PABIR3: variants seen among roughly 807,000 people sequenced by gnomAD.
The protein encoded by PABIR3 is PABIR family member 1.
A neutral mutation model predicts 23.1 loss-of-function variants in PABIR3; 20 were observed. The ratio of observed to expected loss-of-function variants is 0.86; its 90% CI spans 0.61 to 1.26. The LOEUF (loss-of-function observed/expected upper bound fraction) is 1.26, where lower values mean the gene tolerates loss of function less well. Among genes scored for constraint, PABIR3 ranks in the 50% most tolerant of loss-of-function variants. The pLI, the probability that PABIR3 is intolerant of heterozygous loss-of-function variation, is 0.00. For missense variants in PABIR3, 189 were observed against 195.4 expected, an observed-to-expected ratio of 0.97 and a Z score of 0.20; for synonymous variants, 69 against 68.5, an observed-to-expected ratio of 1.01 and a Z score of -0.04.
intron 9 of PABIR3, 63 bp downstream of exon 9, chrX:134,849,291 C>G (rs2082542003): frequency 2.0e-6 from 1 of 488,167 alleles, no homozygotes; most frequent in East Asian, 5.0e-5. Flanking sequence ...TATCTAAAAT[C>G]AAATGTTATA....
chrX:134,819,542 C>A (rs1237162697), intron 3 of PABIR3, among the ~76,000 whole-genome samples: 1 of 111,327 alleles, frequency 9.0e-6, no homozygotes, highest in African/African-American at 3.3e-5. Flanking sequence ...AGGAGAATGA[C>A]ATGATGAATT....
chrX:134,858,144 T>C (rs1441265081), downstream of PABIR3, among the ~76,000 whole-genome samples: 3 of 112,016 alleles, frequency 2.7e-5, no homozygotes, highest in African/African-American at 9.7e-5. Context: ...AATCTACCTC[T>C]CAATGCAGAA....
At chrX:134,840,310 A>T (rs2082180177) in intron 4 of PABIR3, among the ~76,000 whole-genome samples, 1 of 109,682 alleles carries the variant, frequency 9.1e-6, no homozygotes, top group Non-Finnish European at 1.9e-5. Context: ...TTGTCCTGAG[A>T]CCCTGCCAAA....
the PABIR3 span, among the ~76,000 whole-genome samples, chrX:134,860,964 G>GT: frequency 1.8e-5 from 2 of 111,993 alleles, no homozygotes; most frequent in Non-Finnish European, 3.8e-5. Flanking sequence ...CGGGTACAGA[G>GT]TTTCTGTTTG....
chrX:134,847,519 A>C, intron 7 of PABIR3, 44 bp downstream of exon 7: 2 of 969,021 alleles, frequency 2.1e-6, no homozygotes, highest in South Asian at 2.1e-5. Flanking sequence ...TGAAATAGTT[A>C]GGAAATATTT....
chrX:134,831,620 A>G (rs2081783622), intron 4 of PABIR3: 1 of 111,533 alleles, frequency 9.0e-6, no homozygotes. Flanking sequence ...AAAAGTAATT[A>G]ATTTAATTTT....
intron 4 of PABIR3, among the ~76,000 whole-genome samples, chrX:134,839,969 G>A (rs1253058127): frequency 8.9e-6 from 1 of 112,752 alleles, no homozygotes; most frequent in Non-Finnish European, 1.9e-5. Flanking sequence ...TGCCGTGTCT[G>A]TGTAGAAAGA....
intron 6 of PABIR3, among the ~76,000 whole-genome samples, chrX:134,846,247 T>A (rs776528914): frequency 1.7e-3 from 188 of 111,696 alleles, no homozygotes; most frequent in African/African-American, 5.8e-3. Flanking sequence ...CATGATTCTA[T>A]TACCTCCCAC....
At chrX:134,796,997 C>G (rs1238186691) in intron 1 of PABIR3, 1 of 113,218 alleles carries the variant, frequency 8.8e-6, no homozygotes, top group South Asian at 3.6e-4. Context: ...CTCCCTGCCC[C>G]CCTCCCGCCT....
rs1262881564 is a variant in PABIR3, at chrX:134,844,667, T to A, written c.247-538T>A. Among the ~76,000 whole-genome samples the A allele has an allele frequency of 2.7e-5, 3 of 112,172 alleles. No individual in the cohort carries two copies. In the East Asian group the frequency reaches 8.4e-4, roughly 31 times the overall value. On this transcript the variant is annotated intron_variant, in intron 4 of 10. Coordinates refer to ENST00000645433, the MANE Select transcript of PABIR3 (RefSeq NM_001388447.1). The stretch of plus-strand genomic sequence containing the variant: ...TGAGCACCTCTCTTACAATTTTACA[T>A]AAATAGGATCCATTTGTCTCCCATT...
At chrX:134,828,041 C>CTATATATATATATA (rs796193908) in intron 3 of PABIR3, among the ~76,000 whole-genome samples, 1 of 71,721 alleles carries the variant, frequency 1.4e-5, no homozygotes, top group Non-Finnish European at 2.6e-5. Context: ...CTCTCTCTCT[C>CTATATATATATATA]TCTCTCTATA....
intron 10 of PABIR3, among the ~76,000 whole-genome samples, 200 bp downstream of exon 10, chrX:134,853,096 C>G (rs772279481): frequency 9.0e-6 from 1 of 111,507 alleles, no homozygotes; most frequent in South Asian, 3.8e-4. Flanking sequence ...CAGGGTCTCA[C>G]TCTGTCACCC....
At position 134,826,184 on chromosome X, in the gene PABIR3, G is replaced by A. The variant is rs1250074477; in HGVS notation, c.190-3042G>A. ...AGCTTTCTAATATCTTCACGCTTTT[G>A]GCCTCAGAGTCCTTTCTCCCTCCAC... On this transcript the variant is annotated intron_variant, in intron 3 of 10. Coordinates refer to ENST00000645433, the MANE Select transcript of PABIR3 (RefSeq NM_001388447.1). Among the ~76,000 whole-genome samples the A allele has an allele frequency of 2.5e-4, 28 of 110,816 alleles. 1 individual carries two copies. In the Admixed American group the frequency reaches 2.7e-3, roughly 11 times the overall value.
intron 9 of PABIR3, among the ~76,000 whole-genome samples, chrX:134,850,094 C>T (rs1402919941): frequency 9.2e-6 from 1 of 108,336 alleles, no homozygotes; most frequent in Non-Finnish European, 1.9e-5. Context: ...AGGCTGTTCT[C>T]GAACTCCTGA....
At chrX:134,828,491 G>A (rs1026904091) in intron 3 of PABIR3, among the ~76,000 whole-genome samples, 1 of 111,885 alleles carries the variant, frequency 8.9e-6, no homozygotes, top group African/African-American at 3.2e-5. Context: ...AAATAACCAC[G>A]GTACAGAAAG....
At chrX:134,863,364 G>C in the PABIR3 span, among the ~76,000 whole-genome samples, 1 of 111,248 alleles carries the variant, frequency 9.0e-6, no homozygotes, top group East Asian at 2.8e-4. Context: ...AAGCTTTCCA[G>C]ATCAATTTCT....
In PABIR3 at chrX:134,828,952, A is replaced by G. The variant is rs898816166; in HGVS notation, c.190-274A>G. ...TCTAGTGCCTTAGGAAAGAAAAGGT[A>G]GAGACAAACAAAATCCTCTATTGAT... is the stretch of plus-strand genomic sequence containing the variant. On this transcript the variant is annotated intron_variant, in intron 3 of 10. Transcript: ENST00000645433. Among the ~76,000 whole-genome samples the G allele has an allele frequency of 2.7e-5, 3 of 111,670 alleles. No individual in the cohort carries two copies. The Admixed American group carries it at 2.9e-4, about 11-fold the overall frequency.
chrX:134,839,923 G>A (rs2082161907), intron 4 of PABIR3, among the ~76,000 whole-genome samples: 1 of 112,862 alleles, frequency 8.9e-6, no homozygotes, highest in South Asian at 3.6e-4. Context: ...ATAGAAAGGG[G>A]GGAAAGGTGG....
At chrX:134,849,636 C>G (rs1198387095) in intron 9 of PABIR3, among the ~76,000 whole-genome samples, 1 of 110,868 alleles carries the variant, frequency 9.0e-6, no homozygotes, top group Non-Finnish European at 1.9e-5. Flanking sequence ...TAAGTTGACA[C>G]AAATTAGATC....
Sources: gnomAD v4.1 joint callset for allele counts (sites outside exome capture counted in the v4.1 genomes callset) on GRCh38, gnomAD v4.1.1 for gene constraint, MANE v1.5 for transcripts, NCBI Gene and HGNC (gene_info 2026-07-23, HGNC 2026-07-21) for gene names.